AMBRA1: variants seen among roughly 807,000 people sequenced by gnomAD.
AMBRA1 encodes autophagy and beclin 1 regulator 1, also known as activating molecule in BECN1-regulated autophagy protein 1.
In AMBRA1, 47 loss-of-function variants were observed where a neutral mutation model predicts 125.4. The ratio of observed to expected loss-of-function variants is 0.37; its 90% CI spans 0.30 to 0.48. The LOEUF (loss-of-function observed/expected upper bound fraction) is 0.48, where lower values mean the gene tolerates loss of function less well. Among genes scored for constraint, AMBRA1 ranks in the 20% least tolerant of loss-of-function variants. The pLI is 0.99. For synonymous variants in AMBRA1, 626 were observed against 655.5 expected, an observed-to-expected ratio of 0.95 and a Z score of 0.69; for missense variants, 1,331 against 1,693.4, an observed-to-expected ratio of 0.79 and a Z score of 3.76.
chr11:46,434,939 T>A lies in AMBRA1; in HGVS notation c.2731A>T (p.Ser911Cys). ...GQLLAAFIPS[S>C]QRGFPDEGIL... Reference sequence around the variant, plus strand: ...CCTTCATCAGGAAAGCCCCTCTGGCTGCTGGGGATGAAAGCTGCCAGGAGC... The same window carrying A: ...CCTTCATCAGGAAAGCCCCTCTGGCAGCTGGGGATGAAAGCTGCCAGGAGC... The change falls in exon 13 of 18, where the codon AGC becomes TGC. Residue 911 changes from serine (S) to cysteine (C), a missense_variant. Coordinates refer to ENST00000683756, the MANE Select transcript of AMBRA1 (RefSeq NM_001387011.1). The A allele has an allele frequency of 6.2e-7, 1 of 1,614,112 alleles. No individual in the cohort carries two copies. Among genetic ancestry groups the A allele is most frequent in the Middle Eastern group, 1.7e-4 (1 of 6,060 alleles).
chr11:46,559,171 G>A (rs1406840990), intron 1 of AMBRA1, among the ~76,000 whole-genome samples: 1 of 151,840 alleles, frequency 6.6e-6, no homozygotes, highest in Non-Finnish European at 1.5e-5. Flanking sequence ...GTGGTGGCAC[G>A]CCCCTGTAAT....
chr11:46,538,170 C>T (rs1174832214), intron 7 of AMBRA1, among the ~76,000 whole-genome samples: 7 of 152,174 alleles, frequency 4.6e-5, no homozygotes, highest in South Asian at 2.1e-4. Flanking sequence ...TTAATGTGTA[C>T]GCACTTATTT....
At chr11:46,424,015 A>G (rs922188070) in intron 14 of AMBRA1, among the ~76,000 whole-genome samples, 2 of 147,346 alleles carry the variant, frequency 1.4e-5, no homozygotes, top group Admixed American at 6.8e-5. Flanking sequence ...CACCCGCCTC[A>G]GCCTCCCAAA....
At chr11:46,552,829 G>A (rs1393310378) in intron 1 of AMBRA1, among the ~76,000 whole-genome samples, 1 of 151,972 alleles carries the variant, frequency 6.6e-6, no homozygotes, top group African/African-American at 2.4e-5. Context: ...ACTAACCATG[G>A]TTGTCTCTCA....
At chr11:46,398,017 G>A (rs754283826) in intron 17 of AMBRA1, 74 bp from the exon 18 acceptor site, 53 of 1,505,710 alleles carry the variant, frequency 3.5e-5, no homozygotes, top group Middle Eastern at 3.5e-4. Context: ...GGCAGCCACC[G>A]GTAGCAGCTG....
At chr11:46,549,829 G>T (rs1032409874) in intron 1 of AMBRA1, among the ~76,000 whole-genome samples, 1 of 151,790 alleles carries the variant, frequency 6.6e-6, no homozygotes, top group Admixed American at 6.6e-5. Flanking sequence ...CTTTTTTGGG[G>T]GGGGTGGGGG....
At chr11:46,420,559 C>T in intron 14 of AMBRA1, among the ~76,000 whole-genome samples, 1 of 152,216 alleles carries the variant, frequency 6.6e-6, no homozygotes, top group South Asian at 2.1e-4. Flanking sequence ...TGGTTTCTGT[C>T]CAACCTATAG....
chr11:46,411,789 T>A (rs955136310), intron 15 of AMBRA1, among the ~76,000 whole-genome samples: 6 of 152,050 alleles, frequency 3.9e-5, no homozygotes, highest in African/African-American at 1.5e-4. Context: ...TTTTTAATTT[T>A]TTTTTTATTT....
At position 46,408,541 on chromosome 11, in the gene AMBRA1, T is replaced by A; in HGVS notation, c.3375A>T (p.Pro1125=). The A allele has an allele frequency of 3.2e-6, 5 of 1,583,416 alleles. No individual in the cohort carries two copies. The South Asian group carries it at 5.7e-5, about 18-fold the overall frequency. Residue 1125 remains proline, a synonymous_variant, in exon 17 of 18, where the codon CCA becomes CCT. Coordinates refer to ENST00000683756, the MANE Select transcript of AMBRA1 (RefSeq NM_001387011.1). The part of the protein sequence containing the change: ...ETQTEREVPE[P]GTAASGPGEG... Reference sequence around the variant, plus strand: ...CACCAGGACCTGAGGCGGCTGTCCCTGGCTCCGGCACCTCCCTCTCAGTCT... The same window carrying A: ...CACCAGGACCTGAGGCGGCTGTCCCAGGCTCCGGCACCTCCCTCTCAGTCT...
In AMBRA1 at chr11:46,397,603, C is replaced by T. The variant is rs137890582; in HGVS notation, c.3744G>A (p.Leu1248=). 6 of 1,607,498 alleles carry T rather than the reference C, an allele frequency of 3.7e-6. No homozygotes were observed. The highest frequency in any genetic ancestry group is 2.7e-5 in the African/African-American group (2 of 74,828). The part of the protein sequence containing the change: ...TPGREPTQPT[L]PSSSPVPIPV... ...GAATGGGGACAGGGGAGGAAGAGGG[C>T]AGGGTTGGCTGGGTTGGCTCCCGCC... The change falls in exon 18 of 18, where the codon CTG becomes CTA. Residue 1248 remains leucine (L), a synonymous_variant. Transcript: ENST00000683756.
In AMBRA1 at chr11:46,525,759, A is replaced by C. The variant is rs183288287; in HGVS notation, c.2073-12946T>G. Among the ~76,000 whole-genome samples the C allele has an allele frequency of 3.1e-3, 466 of 152,186 alleles. 1 individual carries two copies. Among genetic ancestry groups the C allele is most frequent in the African/African-American group, 0.011 (451 of 41,514 alleles). ...GAGCAAGACTCCGTCTCAAAAAAAA[A>C]AAAATTAGCCAGCATGGTGGCAGGT... On this transcript the variant is annotated intron_variant, in intron 7 of 17. Transcript: ENST00000683756.
At chr11:46,434,805 C>T in intron 13 of AMBRA1, 44 bp downstream of exon 13, 1 of 1,531,940 alleles carries the variant, frequency 6.5e-7, no homozygotes. Context: ...CATGCCAAGG[C>T]ACCAGCGTCC....
At chr11:46,525,350 G>C (rs1951922567) in intron 7 of AMBRA1, among the ~76,000 whole-genome samples, 2 of 151,816 alleles carry the variant, frequency 1.3e-5, no homozygotes, top group Admixed American at 6.6e-5. Context: ...ACCACACTTT[G>C]GGAGGTCAAG....
At chr11:46,423,113 C>A (rs1395268412) in intron 14 of AMBRA1, among the ~76,000 whole-genome samples, 8 of 152,194 alleles carry the variant, frequency 5.3e-5, no homozygotes, top group Admixed American at 5.2e-4. Flanking sequence ...TAAGAGACAG[C>A]TGACCTTTCC....
At chr11:46,446,542 T>C (rs759813892) in intron 11 of AMBRA1, among the ~76,000 whole-genome samples, 9 of 152,196 alleles carry the variant, frequency 5.9e-5, no homozygotes, top group Non-Finnish European at 7.3e-5. Flanking sequence ...CAAGCTAGAC[T>C]CAGAGTTTCT....
chr11:46,429,219 G>A (rs1295808857), intron 14 of AMBRA1: 25 of 1,289,324 alleles, frequency 1.9e-5, no homozygotes, highest in Non-Finnish European at 2.5e-5. Context: ...GCCTACCAGC[G>A]GCCCCCTACC....
At chr11:46,540,665 T>C (rs186823312) in intron 7 of AMBRA1, among the ~76,000 whole-genome samples, 5 of 152,290 alleles carry the variant, frequency 3.3e-5, no homozygotes, top group Admixed American at 2.6e-4. Flanking sequence ...AAGGTCTTGC[T>C]CTCTCCAAAT....
intron 2 of AMBRA1, 63 bp downstream of exon 2, chr11:46,548,183 T>G (rs1276733981): frequency 6.2e-7 from 1 of 1,606,098 alleles, no homozygotes; most frequent in Non-Finnish European, 8.5e-7. Flanking sequence ...GTTAACCCAT[T>G]CTAAGGTCTC....
At chr11:46,455,974 G>A (rs1005080374) in intron 11 of AMBRA1, among the ~76,000 whole-genome samples, 6 of 152,116 alleles carry the variant, frequency 3.9e-5, no homozygotes, top group Non-Finnish European at 8.8e-5. Flanking sequence ...CCATGCTATA[G>A]ACTTGCCCTC....
Sources: allele counts gnomAD v4.1 joint callset (sites outside exome capture counted in the v4.1 genomes callset), GRCh38; gene constraint gnomAD v4.1.1; transcripts MANE v1.5; gene names NCBI Gene and HGNC (gene_info 2026-07-23, HGNC 2026-07-21).